Variants in SLC22A16 observed in about 807,000 individuals in gnomAD.
SLC22A16 encodes solute carrier family 22 member 16.
In SLC22A16, 53 loss-of-function variants were observed where a neutral mutation model predicts 52.9. That is an observed-to-expected ratio of 1.00 (90% CI 0.80 to 1.26). SLC22A16 has a LOEUF of 1.26. SLC22A16 is among the 50% of genes most tolerant of loss of function. The pLI is 0.00. For synonymous variants in SLC22A16, 291 were observed against 268.8 expected (o/e 1.08, Z -0.81); for missense variants, 726 against 704.0 (o/e 1.03, Z -0.35).
At chr6:110,436,602 G>A (rs1349685168) in intron 5 of SLC22A16, among the ~76,000 whole-genome samples, 4 of 152,028 alleles carry the variant, frequency 2.6e-5, no homozygotes, top group Non-Finnish European at 4.4e-5. Flanking sequence ...CTTCAGCTTG[G>A]GTGACAGAGT....
intron 5 of SLC22A16, among the ~76,000 whole-genome samples, chr6:110,438,053 G>A (rs1422219412): frequency 1.3e-5 from 2 of 151,996 alleles, no homozygotes; most frequent in Non-Finnish European, 2.9e-5. Flanking sequence ...CGCCTCCTCC[G>A]AGAGGTGCAC....
intron 7 of SLC22A16, 114 bp from the exon 8 acceptor site, chr6:110,425,199 A>G: frequency 6.5e-7 from 1 of 1,529,216 alleles, no homozygotes; most frequent in Non-Finnish European, 8.8e-7. Context: ...TTGACATAAC[A>G]GTTGTCACTG....
chr6:110,448,738 CA>C (rs1373083960), intron 2 of SLC22A16, among the ~76,000 whole-genome samples: 1 of 152,160 alleles, frequency 6.6e-6, no homozygotes, highest in African/African-American at 2.4e-5. Context: ...CTGCAGAGAA[CA>C]GAGACCATCA....
At chr6:110,448,580 C>T (rs1261921858) in intron 2 of SLC22A16, among the ~76,000 whole-genome samples, 2 of 152,162 alleles carry the variant, frequency 1.3e-5, no homozygotes, top group African/African-American at 4.8e-5. Flanking sequence ...CTCCTTTGCA[C>T]ATTAGTAGAG....
intron 2 of SLC22A16, chr6:110,455,686 AGT>A (rs1775621789): frequency 6.6e-6 from 1 of 152,226 alleles, no homozygotes; most frequent in South Asian, 2.1e-4. Context: ...TTTGAATGAT[AGT>A]ATTCCCTCCA....
At chr6:110,467,754 T>C (rs988538104) in intron 1 of SLC22A16, among the ~76,000 whole-genome samples, 1 of 152,258 alleles carries the variant, frequency 6.6e-6, no homozygotes, top group Non-Finnish European at 1.5e-5. Context: ...CACACACATA[T>C]TCATATAATG....
At position 110,425,496 on chromosome 6, in the gene SLC22A16, G is replaced by A. The variant is rs1774224794; in HGVS notation, c.1522-411C>T. ...GACATGCCAAGCAGGGACTGTCTTA[G>A]TCAACCCTGTCCCTGCCCCAATAAT... is the stretch of plus-strand genomic sequence containing the variant. On this transcript the variant is annotated intron_variant, in intron 7 of 7. Coordinates refer to ENST00000368919, the MANE Select transcript of SLC22A16 (RefSeq NM_033125.4). 3 of 930,414 alleles carry A rather than the reference G, an allele frequency of 3.2e-6. No homozygotes were observed. In the Admixed American group the frequency reaches 8.1e-5, roughly 25 times the overall value. The allele number at this position is 930,414 out of a possible 1,614,324, so 57.6% of individuals were successfully genotyped here.
chr6:110,440,449 T>C (rs1211417017), intron 4 of SLC22A16: 1 of 152,236 alleles, frequency 6.6e-6, no homozygotes, highest in Non-Finnish European at 1.5e-5. Flanking sequence ...TTCTGATGCA[T>C]TTTTTTCAAA....
At chr6:110,465,231 T>G (rs1053742857) in intron 1 of SLC22A16, among the ~76,000 whole-genome samples, 1 of 152,040 alleles carries the variant, frequency 6.6e-6, no homozygotes, top group Non-Finnish European at 1.5e-5. Context: ...TCTTCAGAAC[T>G]AGAACAAGAC....
intron 2 of SLC22A16, among the ~76,000 whole-genome samples, chr6:110,449,741 T>C (rs6930851): frequency 0.096 from 14,632 of 152,154 alleles, 734 homozygotes; most frequent in Middle Eastern, 0.14. Flanking sequence ...CCCAAATATG[T>C]CTTCATCTTT....
At chr6:110,451,843 A>G (rs1333770712) in intron 2 of SLC22A16, among the ~76,000 whole-genome samples, 1 of 152,168 alleles carries the variant, frequency 6.6e-6, no homozygotes, top group African/African-American at 2.4e-5. Flanking sequence ...TTCTTCCATT[A>G]GGTCCTGAAA....
At chr6:110,443,302 A>T (rs2114941310) in intron 3 of SLC22A16, among the ~76,000 whole-genome samples, 1 of 152,342 alleles carries the variant, frequency 6.6e-6, no homozygotes, top group South Asian at 2.1e-4. Context: ...CAACCTGCAG[A>T]ACTGGATAAA....
At chr6:110,451,027 A>G (rs1407857118) in intron 2 of SLC22A16, among the ~76,000 whole-genome samples, 1 of 152,196 alleles carries the variant, frequency 6.6e-6, no homozygotes, top group Admixed American at 6.5e-5. Context: ...AAGTTTTGCT[A>G]TTATGATTTT....
intron 6 of SLC22A16, among the ~76,000 whole-genome samples, chr6:110,435,229 AG>A (rs1774676053): frequency 6.6e-6 from 1 of 152,162 alleles, no homozygotes; most frequent in African/African-American, 2.4e-5. Flanking sequence ...TTTGTAGATA[AG>A]GTCTTTAAAG....
In SLC22A16 at chr6:110,425,671, T is replaced by C. The variant is rs902161302; in HGVS notation, c.1522-586A>G. 7.9e-5 allele frequency among the ~76,000 whole-genome samples: 12 copies of C among 152,280 alleles called. No homozygotes were observed. In the South Asian group the frequency reaches 8.3e-4, roughly 10 times the overall value. On this transcript the variant is annotated intron_variant, in intron 7 of 7. Transcript: ENST00000368919. ...TGGGGCAGGGATCCATATAATTTCC[T>C]ATACAGTTCGGTGTGATTTCTTTAT...
chr6:110,456,165 C>T (rs1039924379), intron 2 of SLC22A16: 3 of 192,458 alleles, frequency 1.6e-5, no homozygotes, highest in African/African-American at 4.7e-5. Flanking sequence ...AGTAATAAAC[C>T]GTATCTATTG....
chr6:110,443,872 A>T (rs567042373), intron 3 of SLC22A16, among the ~76,000 whole-genome samples: 14 of 152,360 alleles, frequency 9.2e-5, no homozygotes, highest in African/African-American at 3.4e-4. Context: ...ACAAAAAGAC[A>T]ACTATCATAT....
chr6:110,475,288 A>G (rs545646492), intron 1 of SLC22A16, among the ~76,000 whole-genome samples: 10 of 152,296 alleles, frequency 6.6e-5, no homozygotes, highest in Non-Finnish European at 1.0e-4. Flanking sequence ...ATGGCATCCA[A>G]TTCTGCCCTG....
chr6:110,440,652 C>G (rs1444951981), intron 4 of SLC22A16, among the ~76,000 whole-genome samples: 1 of 151,960 alleles, frequency 6.6e-6, no homozygotes, highest in Non-Finnish European at 1.5e-5. Context: ...TGGCATGTGC[C>G]CGTAATATCA....
Sources: gnomAD v4.1 joint callset for allele counts (sites outside exome capture counted in the v4.1 genomes callset) on GRCh38, gnomAD v4.1.1 for gene constraint, MANE v1.5 for transcripts, NCBI Gene and HGNC (gene_info 2026-07-23, HGNC 2026-07-21) for gene names.